NEK1: variants seen among roughly 807,000 people sequenced by gnomAD.
NEK1 encodes the protein NIMA related kinase 1.
Under a neutral mutation model 182.1 loss-of-function variants are expected in NEK1, and 137 were observed. The ratio of observed to expected loss-of-function variants is 0.75; its 90% CI spans 0.65 to 0.87. The LOEUF (loss-of-function observed/expected upper bound fraction) is 0.87, where lower values mean the gene tolerates loss of function less well. Among genes scored for constraint, NEK1 ranks in the 40% least tolerant of loss-of-function variants. The pLI is 0.00. For missense variants in NEK1, 1,391 were observed against 1,494.4 expected (o/e 0.93, Z 1.14); for synonymous variants, 513 against 492.2 (o/e 1.04, Z -0.56).
chr4:169,591,315 T>C (rs1581016324), intron 5 of NEK1, among the ~76,000 whole-genome samples: 2 of 152,034 alleles, frequency 1.3e-5, no homozygotes, highest in Middle Eastern at 6.8e-3. Flanking sequence ...CAGCTAGTTT[T>C]TTATTTTTGT....
At chr4:169,429,142 G>A (rs1194680129) in intron 29 of NEK1, among the ~76,000 whole-genome samples, 1 of 152,072 alleles carries the variant, frequency 6.6e-6, no homozygotes, top group Non-Finnish European at 1.5e-5. Flanking sequence ...AACCCACTGT[G>A]GGACTTGAGT....
chr4:169,527,617 AT>A (rs1757072103), intron 19 of NEK1, among the ~76,000 whole-genome samples: 1 of 152,164 alleles, frequency 6.6e-6, no homozygotes, highest in Non-Finnish European at 1.5e-5. Context: ...TAAAGTATGT[AT>A]TTTTAACCCC....
At chr4:169,549,598 T>G (rs1179121207) in intron 18 of NEK1, among the ~76,000 whole-genome samples, 1 of 152,032 alleles carries the variant, frequency 6.6e-6, no homozygotes, top group Non-Finnish European at 1.5e-5. Context: ...AATTTTTGTA[T>G]TTTTAGTAGA....
In NEK1 at chr4:169,589,528, GA is replaced by G. The variant is rs199717920; in HGVS notation, c.397-15del. 0.012 allele frequency: 13,265 copies of G among 1,066,220 alleles called. 1 individual carries two copies. The highest frequency in any genetic ancestry group is 0.018 in the East Asian group (493 of 27,170). 66.0% of individuals were successfully genotyped at this position (1,066,220 alleles called of 1,614,324 possible). A position where few individuals can be genotyped will look rare whatever the true frequency, so the allele number is the denominator to read the frequency against. The stretch of plus-strand genomic sequence containing the variant: ...TAAAAATATGTTCTGTAAAAGACAG[GA>G]AAAAAAAAAACCCTAGAAATATTGT... On this transcript the variant is annotated splice_polypyrimidine_tract_variant and intron_variant, in intron 6 of 35. Coordinates refer to ENST00000507142, the MANE Select transcript of NEK1 (RefSeq NM_001199397.3).
At chr4:169,543,479 G>A (rs1329603411) in intron 18 of NEK1, among the ~76,000 whole-genome samples, 1 of 152,038 alleles carries the variant, frequency 6.6e-6, no homozygotes, top group African/African-American at 2.4e-5. Context: ...GCTCTTTTTT[G>A]GTTCCATACG....
intron 2 of NEK1, among the ~76,000 whole-genome samples, chr4:169,610,335 G>A (rs561651403): frequency 1.1e-3 from 171 of 150,424 alleles, no homozygotes; most frequent in African/African-American, 3.9e-3. Flanking sequence ...TTTTCTTTGA[G>A]ACAAGCCTCA....
chr4:169,532,654 CT>C (rs1463808428), intron 19 of NEK1, among the ~76,000 whole-genome samples: 1 of 152,020 alleles, frequency 6.6e-6, no homozygotes, highest in Non-Finnish European at 1.5e-5. Flanking sequence ...AGTCTATTTG[CT>C]GGGCATGGTG....
intron 18 of NEK1, among the ~76,000 whole-genome samples, chr4:169,552,007 G>C (rs969310684): frequency 1.1e-4 from 17 of 151,918 alleles, no homozygotes; most frequent in African/African-American, 4.1e-4. Context: ...GTAAGAATGA[G>C]AGGAAGGAAA....
intron 29 of NEK1, among the ~76,000 whole-genome samples, chr4:169,430,178 T>C (rs1266181980): frequency 1.3e-5 from 2 of 152,088 alleles, no homozygotes; most frequent in African/African-American, 4.8e-5. Context: ...GGAGCTTTTT[T>C]TGTTTTTGTT....
chr4:169,480,173 T>C (rs1747718018), intron 23 of NEK1, among the ~76,000 whole-genome samples: 2 of 152,202 alleles, frequency 1.3e-5, no homozygotes, highest in African/African-American at 4.8e-5. Context: ...TCCCTATTCC[T>C]AGTCTTCCTC....
Position 169,575,765 on chromosome 4 carries a change from C to A in NEK1, c.1020+1163G>T, listed in dbSNP as rs1354382446. 2.6e-5 allele frequency among the ~76,000 whole-genome samples: 4 copies of A among 152,294 alleles called. No individual in the cohort carries two copies. In the East Asian group the frequency reaches 7.7e-4, roughly 29 times the overall value. On this transcript the variant is annotated intron_variant, in intron 12 of 35. Transcript: ENST00000507142. ...GACTGTGGGGCCATCGAGTGAGCTA[C>A]TGCCATACCCTACCCAGTAAGGTCT...
chr4:169,543,170 T>C (rs1357123699), intron 18 of NEK1, among the ~76,000 whole-genome samples: 1 of 152,222 alleles, frequency 6.6e-6, no homozygotes, highest in African/African-American at 2.4e-5. Context: ...TTGTATAAGA[T>C]GTAAGGAGGG....
At chr4:169,454,617 A>T (rs1449545551) in intron 27 of NEK1, among the ~76,000 whole-genome samples, 5 of 152,240 alleles carry the variant, frequency 3.3e-5, no homozygotes, top group African/African-American at 1.2e-4. Context: ...TGCAAATCAA[A>T]GCCACAATGA....
Position 169,406,738 on chromosome 4 carries a change from T to C in NEK1, c.3232A>G (p.Thr1078Ala). The change falls in exon 32 of 36, where the codon ACA (threonine) becomes GCA (alanine). Residue 1078 changes from threonine (T) to alanine (A), a missense_variant. Transcript: ENST00000507142. ...FDANNPKMLR[T>A]CSLPDLSKLF... ...TTTGAGAGATCTGGAAGTGAACATG[T>C]CCTTAACATCTAAAATAAAAATCAA... is the stretch of plus-strand genomic sequence containing the variant. 6.3e-7 allele frequency: 1 copy of C among 1,575,650 alleles called. No homozygotes were observed. The highest frequency in any genetic ancestry group is 8.6e-7 in the Non-Finnish European group (1 of 1,167,698).
chr4:169,535,301 C>T (rs1464368694), intron 19 of NEK1, among the ~76,000 whole-genome samples: 1 of 151,998 alleles, frequency 6.6e-6, no homozygotes, highest in Non-Finnish European at 1.5e-5. Flanking sequence ...TCAGCCTGGG[C>T]AACAAGAGCG....
At chr4:169,411,811 G>A (rs777290591) in intron 31 of NEK1, among the ~76,000 whole-genome samples, 1 of 152,104 alleles carries the variant, frequency 6.6e-6, no homozygotes, top group African/African-American at 2.4e-5. Context: ...CACAACAAAT[G>A]CAAAGTTTTG....
At chr4:169,426,540 A>T (rs1736419326) in intron 29 of NEK1, among the ~76,000 whole-genome samples, 1 of 152,234 alleles carries the variant, frequency 6.6e-6, no homozygotes, top group Non-Finnish European at 1.5e-5. Context: ...ACAAATTCTC[A>T]GCCTCACCCT....
At chr4:169,456,248 C>T (rs1742859211) in intron 27 of NEK1, among the ~76,000 whole-genome samples, 1 of 151,948 alleles carries the variant, frequency 6.6e-6, no homozygotes, top group Admixed American at 6.6e-5. Flanking sequence ...GCTATCGGTC[C>T]CTACACCAAA....
At chr4:169,490,417 A>C (rs556053479) in intron 23 of NEK1, among the ~76,000 whole-genome samples, 2 of 152,176 alleles carry the variant, frequency 1.3e-5, no homozygotes, top group African/African-American at 4.8e-5. Flanking sequence ...AGGACACAAG[A>C]AACATGAAAA....
Sources: gnomAD v4.1 joint callset for allele counts (sites outside exome capture counted in the v4.1 genomes callset) on GRCh38, gnomAD v4.1.1 for gene constraint, MANE v1.5 for transcripts, NCBI Gene and HGNC (gene_info 2026-07-23, HGNC 2026-07-21) for gene names.